MIPOL1: variants seen among roughly 807,000 people sequenced by gnomAD.
The protein encoded by MIPOL1 is mirror-image polydactyly 1, also known as mirror-image polydactyly gene 1 protein.
Under a neutral mutation model 60.9 loss-of-function variants are expected in MIPOL1, and 57 were observed. The observed-to-expected ratio is 0.94, with a 90% CI of 0.76 to 1.17. MIPOL1 has a LOEUF of 1.17. MIPOL1 is among the 50% of genes most tolerant of loss of function. MIPOL1 has a pLI of 0.00. For synonymous variants in MIPOL1, 179 were observed against 168.8 expected, an observed-to-expected ratio of 1.06 and a Z score of -0.47; for missense variants, 551 against 511.6, an observed-to-expected ratio of 1.08 and a Z score of -0.74.
At chr14:37,213,938 C>CA (rs57869310) in intron 1 of MIPOL1, among the ~76,000 whole-genome samples, 13,538 of 151,072 alleles carry the variant, frequency 0.09, 1,979 homozygotes, top group African/African-American at 0.31. Flanking sequence ...TGCTGGAGGG[C>CA]AAAAAAAACA....
At chr14:37,324,343 C>T (rs6571806) in intron 9 of MIPOL1, among the ~76,000 whole-genome samples, 151,121 of 152,158 alleles carry the variant, frequency 0.99, 75,054 homozygotes, top group Middle Eastern at 1. Context: ...CAGATACTTA[C>T]TGGCCATTCA....
At chr14:37,414,778 A>G (rs1011944125) in intron 10 of MIPOL1, among the ~76,000 whole-genome samples, 1 of 152,208 alleles carries the variant, frequency 6.6e-6, no homozygotes, top group African/African-American at 2.4e-5. Context: ...GTAAACAGGC[A>G]CAGGTCTGGA....
At chr14:37,210,243 A>G (rs1019509471) in intron 1 of MIPOL1, among the ~76,000 whole-genome samples, 11 of 151,962 alleles carry the variant, frequency 7.2e-5, no homozygotes, top group Non-Finnish European at 5.9e-5. Context: ...AGATAGTGTC[A>G]GAACCCACAG....
chr14:37,198,292 G>C (rs187213190), intron 1 of MIPOL1, 188 bp downstream of exon 1: 3 of 152,442 alleles, frequency 2.0e-5, no homozygotes, highest in African/African-American at 7.2e-5. Flanking sequence ...AGTGTCGTGG[G>C]GTCCTCAGGT....
Position 37,521,907 on chromosome 14 carries a change from TA to T in MIPOL1, c.1262+21770del, listed in dbSNP as rs1365896449. On this transcript the variant is annotated intron_variant, in intron 12 of 12. Coordinates refer to ENST00000684589, the MANE Select transcript of MIPOL1 (RefSeq NM_001388067.1). ...AAAGAAAAAAAAATATATATATATA[TA>T]TATTTTTTTTTTCTTTGGCTTCAAA... Among the ~76,000 whole-genome samples, 10 of 15,302 alleles carry T rather than the reference TA, an allele frequency of 6.5e-4. No homozygotes were observed. In the Admixed American group the frequency reaches 7.9e-3, roughly 12 times the overall value. 10.0% of individuals were successfully genotyped at this position (15,302 alleles called of 152,430 possible).
At chr14:37,298,477 T>G (rs2086004336) in intron 7 of MIPOL1, among the ~76,000 whole-genome samples, 1 of 152,164 alleles carries the variant, frequency 6.6e-6, no homozygotes, top group African/African-American at 2.4e-5. Flanking sequence ...AAAGAGCTTC[T>G]GCATGGCAAA....
At chr14:37,214,222 T>C (rs1358033436) in intron 1 of MIPOL1, among the ~76,000 whole-genome samples, 1 of 152,094 alleles carries the variant, frequency 6.6e-6, no homozygotes, top group African/African-American at 2.4e-5. Context: ...TCATTCTCAG[T>C]AGAAAGAATA....
chr14:37,517,251 A>G (rs928616558), intron 12 of MIPOL1, among the ~76,000 whole-genome samples: 3 of 152,328 alleles, frequency 2.0e-5, no homozygotes, highest in African/African-American at 2.4e-5. Flanking sequence ...CTCTGTAAAC[A>G]TAAGTGGTTT....
chr14:37,521,880 CTAAAGAAAAAAAAATATATATATATATA>C, intron 12 of MIPOL1, among the ~76,000 whole-genome samples: 1 of 99,312 alleles, frequency 1.0e-5, no homozygotes, highest in African/African-American at 5.4e-5. Flanking sequence ...AAGACTTTAT[CTAAAGAAAAAAAAATATATATATATATA>C]TATTTTTTTT....
intron 11 of MIPOL1, among the ~76,000 whole-genome samples, chr14:37,478,926 A>G (rs1476115555): frequency 2.0e-5 from 3 of 152,192 alleles, no homozygotes; most frequent in African/African-American, 7.2e-5. Context: ...ACATTATATA[A>G]TGGTAAAGAG....
chr14:37,450,393 TC>T (rs2094399878), intron 11 of MIPOL1, among the ~76,000 whole-genome samples: 1 of 152,202 alleles, frequency 6.6e-6, no homozygotes, highest in African/African-American at 2.4e-5. Flanking sequence ...AATATAGAAT[TC>T]ATATTTTAAC....
intron 9 of MIPOL1, among the ~76,000 whole-genome samples, chr14:37,347,447 C>T (rs1277986821): frequency 2.0e-5 from 3 of 151,922 alleles, no homozygotes; most frequent in Non-Finnish European, 2.9e-5. Flanking sequence ...AGAATTCACA[C>T]GTAGAGATTG....
intron 10 of MIPOL1, among the ~76,000 whole-genome samples, chr14:37,397,571 C>CT (rs1006364218): frequency 5.1e-4 from 78 of 152,206 alleles, no homozygotes; most frequent in African/African-American, 1.8e-3. Context: ...CATGTATGCC[C>CT]TTTGTCTTCA....
intron 11 of MIPOL1, among the ~76,000 whole-genome samples, chr14:37,460,095 TAATAA>T (rs2094522895): frequency 3.5e-5 from 2 of 57,186 alleles, no homozygotes; most frequent in South Asian, 9.9e-4. Flanking sequence ...AGTAAAATAA[TAATAA>T]TAATAATAAT....
At chr14:37,451,518 G>C (rs2094416216) in intron 11 of MIPOL1, among the ~76,000 whole-genome samples, 1 of 151,746 alleles carries the variant, frequency 6.6e-6, no homozygotes, top group African/African-American at 2.4e-5. Context: ...GCCATTTCGG[G>C]TGGGTCTGTT....
chr14:37,445,653 C>T (rs2094322177), intron 11 of MIPOL1, among the ~76,000 whole-genome samples: 1 of 151,424 alleles, frequency 6.6e-6, no homozygotes, highest in Admixed American at 6.6e-5. Context: ...GGAGGCATCA[C>T]ACTACCTAAC....
intron 12 of MIPOL1, among the ~76,000 whole-genome samples, chr14:37,545,204 G>C (rs2095542924): frequency 6.6e-6 from 1 of 152,182 alleles, no homozygotes; most frequent in Admixed American, 6.5e-5. Context: ...TCTGCTGGGA[G>C]CTATTTAATG....
At chr14:37,440,745 A>G (rs1355382363) in intron 11 of MIPOL1, among the ~76,000 whole-genome samples, 2 of 151,818 alleles carry the variant, frequency 1.3e-5, no homozygotes, top group Non-Finnish European at 1.5e-5. Context: ...TACGAGTGCA[A>G]TGTAATGATT....
Position 37,471,776 on chromosome 14 carries a change from T to C in MIPOL1, c.1032-28132T>C, listed in dbSNP as rs527303486. Reference sequence around the variant, plus strand: ...AGGCCTTTGTACGTGTTCCTCCCTGTACCTGAAAAATTTTCATCCACCCTC... The same window carrying C: ...AGGCCTTTGTACGTGTTCCTCCCTGCACCTGAAAAATTTTCATCCACCCTC... On this transcript the variant is annotated intron_variant, in intron 11 of 12. Transcript: ENST00000684589. Among the ~76,000 whole-genome samples, 48 of 152,270 alleles carry C rather than the reference T, an allele frequency of 3.2e-4. No homozygotes were observed. The South Asian group carries it at 8.9e-3, about 28-fold the overall frequency.
Sources: gnomAD v4.1 joint callset for allele counts (sites outside exome capture counted in the v4.1 genomes callset) on GRCh38, gnomAD v4.1.1 for gene constraint, MANE v1.5 for transcripts, NCBI Gene and HGNC (gene_info 2026-07-23, HGNC 2026-07-21) for gene names.